Variants in CACNB2 observed in about 807,000 individuals in gnomAD.
CACNB2 encodes the protein calcium voltage-gated channel auxiliary subunit beta 2.
In CACNB2, 42 loss-of-function variants were observed where a neutral mutation model predicts 73.3. The observed-to-expected ratio is 0.57, with a 90% CI of 0.45 to 0.74. CACNB2 has a LOEUF of 0.74. Among genes scored for constraint, CACNB2 ranks in the 30% least tolerant of loss-of-function variants. The probability of loss-of-function intolerance (pLI) is 0.00; values close to 1 mark genes in which losing one functional copy is unlikely to be tolerated. For missense variants in CACNB2, 940 were observed against 853.0 expected (o/e 1.10, Z -1.27); for synonymous variants, 348 against 310.3 (o/e 1.12, Z -1.28).
intron 2 of CACNB2, among the ~76,000 whole-genome samples, chr10:18,357,981 A>T (rs1355153831): frequency 2.0e-5 from 3 of 152,196 alleles, no homozygotes; most frequent in Admixed American, 2.0e-4. Context: ...AAGCCTCAAC[A>T]TCCAGCACAT....
intron 2 of CACNB2, among the ~76,000 whole-genome samples, chr10:18,152,726 A>AAAAAAAAC (rs2031684971): frequency 8.4e-6 from 1 of 119,032 alleles, no homozygotes; most frequent in Non-Finnish European, 1.7e-5. Flanking sequence ...AAAAAAAAAA[A>AAAAAAAAC]AAAAAACAAA....
intron 6 of CACNB2, among the ~76,000 whole-genome samples, chr10:18,512,802 A>C (rs2050891090): frequency 6.6e-6 from 1 of 152,178 alleles, no homozygotes; most frequent in Admixed American, 6.5e-5. Flanking sequence ...AAAGTTGTCA[A>C]GATGCTTGAA....
At chr10:18,530,057 G>A (rs1564659242) in intron 10 of CACNB2, among the ~76,000 whole-genome samples, 1 of 152,130 alleles carries the variant, frequency 6.6e-6, no homozygotes, top group Non-Finnish European at 1.5e-5. Flanking sequence ...GATCTCATGA[G>A]ACTCATTCAC....
At chr10:18,433,275 GT>G (rs1405887969) in intron 3 of CACNB2, among the ~76,000 whole-genome samples, 1 of 152,200 alleles carries the variant, frequency 6.6e-6, no homozygotes. Flanking sequence ...AGCAAGATTG[GT>G]TTTAGAAATG....
At chr10:18,447,916 G>A (rs2046814981) in intron 3 of CACNB2, among the ~76,000 whole-genome samples, 1 of 151,962 alleles carries the variant, frequency 6.6e-6, no homozygotes, top group South Asian at 2.1e-4. Flanking sequence ...TCTTTTAAGG[G>A]CATGGGCAAA....
chr10:18,307,741 T>C (rs1379849027), intron 2 of CACNB2, among the ~76,000 whole-genome samples: 2 of 152,010 alleles, frequency 1.3e-5, no homozygotes, highest in South Asian at 2.1e-4. Flanking sequence ...ATAAAATAAA[T>C]AGGAAATGTT....
At chr10:18,536,245 T>G in intron 12 of CACNB2, 49 bp downstream of exon 12, 1 of 372,502 alleles carries the variant, frequency 2.7e-6, no homozygotes, top group Non-Finnish European at 4.5e-6. Context: ...GATCAGACCT[T>G]TTTTTTTTTT....
chr10:18,302,482 G>A (rs2039561901), intron 2 of CACNB2, among the ~76,000 whole-genome samples: 2 of 152,202 alleles, frequency 1.3e-5, no homozygotes, highest in Admixed American at 6.5e-5. Flanking sequence ...TAGAGAAACT[G>A]TGCGATATGT....
chr10:18,261,405 T>C (rs753549119), intron 2 of CACNB2: 34 of 1,538,164 alleles, frequency 2.2e-5, no homozygotes, highest in Non-Finnish European at 2.7e-5. Flanking sequence ...TCAGCTGTTT[T>C]TATTCCCTGT....
chr10:18,490,710 C>T (rs955177288), intron 3 of CACNB2, among the ~76,000 whole-genome samples: 4 of 152,140 alleles, frequency 2.6e-5, no homozygotes, highest in Non-Finnish European at 4.4e-5. Flanking sequence ...AATAGAATTC[C>T]GCAACAGCCA....
intron 9 of CACNB2, among the ~76,000 whole-genome samples, chr10:18,527,078 C>G (rs4748481): frequency 6.6e-6 from 1 of 152,006 alleles, no homozygotes; most frequent in Non-Finnish European, 1.5e-5. Flanking sequence ...GTAAGTGCAA[C>G]GTAAGGCAGG....
chr10:18,182,459 A>C (rs1486858246), intron 2 of CACNB2, among the ~76,000 whole-genome samples: 1 of 152,080 alleles, frequency 6.6e-6, no homozygotes, highest in African/African-American at 2.4e-5. Flanking sequence ...TGTAAGCACA[A>C]AAGTAACACA....
At chr10:18,314,560 T>C (rs911869511) in intron 2 of CACNB2, among the ~76,000 whole-genome samples, 5 of 151,988 alleles carry the variant, frequency 3.3e-5, no homozygotes, top group African/African-American at 9.7e-5. Context: ...ATTCCACAGT[T>C]CATCTTCCCA....
chr10:18,365,068 T>G (rs1275737506), intron 2 of CACNB2, among the ~76,000 whole-genome samples: 2 of 152,234 alleles, frequency 1.3e-5, no homozygotes, highest in African/African-American at 4.8e-5. Flanking sequence ...TGAAAGCAGA[T>G]GTCTAGAGAA....
chr10:18,219,878 T>A (rs1200116209), intron 2 of CACNB2, among the ~76,000 whole-genome samples: 1 of 150,894 alleles, frequency 6.6e-6, no homozygotes, highest in African/African-American at 2.4e-5. Flanking sequence ...GAAGCAGTTC[T>A]CCGCCTCAAG....
intron 2 of CACNB2, among the ~76,000 whole-genome samples, chr10:18,220,221 ATATATAT>A (rs2035707923): frequency 8.7e-5 from 5 of 57,268 alleles, no homozygotes; most frequent in African/African-American, 5.5e-4. Flanking sequence ...ATATATATAT[ATATATAT>A]ATATAGAGAG....
At position 18,401,995 on chromosome 10, in the gene CACNB2, G is replaced by A; in HGVS notation, c.285G>A (p.Val95=). The change falls in exon 3 of 14, where the codon GTG becomes GTA. Residue 95 remains valine, a synonymous_variant. Transcript: ENST00000324631. ...CTCTGGAGGAGGACCGGGAGGCAGT[G>A]CGCAGAGAAGCGGAGCGGCAGGCCC... The part of the protein sequence containing the change: ...DVSLEEDREA[V]RREAERQAQA... 1.2e-6 allele frequency: 2 copies of A among 1,614,132 alleles called. No homozygotes were observed. Among genetic ancestry groups the A allele is most frequent in the Non-Finnish European group, 1.7e-6 (2 of 1,179,980 alleles).
At chr10:18,519,339 A>G (rs919728787) in intron 9 of CACNB2, among the ~76,000 whole-genome samples, 25 of 151,820 alleles carry the variant, frequency 1.6e-4, no homozygotes, top group African/African-American at 5.6e-4. Flanking sequence ...CCCCTCCTTA[A>G]TCCTCTGATA....
At chr10:18,258,856 G>A (rs1467229086) in intron 2 of CACNB2, among the ~76,000 whole-genome samples, 1 of 150,556 alleles carries the variant, frequency 6.6e-6, no homozygotes, top group African/African-American at 2.4e-5. Context: ...TACCTACTTG[G>A]AATATATCAT....
Sources: allele counts gnomAD v4.1 joint callset (sites outside exome capture counted in the v4.1 genomes callset), GRCh38; gene constraint gnomAD v4.1.1; transcripts MANE v1.5; gene names NCBI Gene and HGNC (gene_info 2026-07-23, HGNC 2026-07-21).